Variants in KIFAP3 observed in about 807,000 individuals in gnomAD.
KIFAP3 encodes kinesin associated protein 3.
A neutral mutation model predicts 106.5 loss-of-function variants in KIFAP3; 68 were observed. The ratio of observed to expected loss-of-function variants is 0.64; its 90% confidence interval spans 0.53 to 0.78. The LOEUF (loss-of-function observed/expected upper bound fraction) is 0.78. Among genes scored for constraint, KIFAP3 ranks in the 30% least tolerant of loss-of-function variants. The pLI is 0.00. For missense variants in KIFAP3, 780 were observed against 941.8 expected (o/e 0.83, Z 2.25); for synonymous variants, 320 against 311.5 (o/e 1.03, Z -0.29).
chr1:170,061,137 G>T (rs1671128447), intron 1 of KIFAP3, among the ~76,000 whole-genome samples: 1 of 152,138 alleles, frequency 6.6e-6, no homozygotes, highest in African/African-American at 2.4e-5. Flanking sequence ...AAAAGCAATG[G>T]CAACAAAAGC....
At chr1:170,083,449 C>T (rs527538429) in intron 1 of KIFAP3, among the ~76,000 whole-genome samples, 123 of 152,242 alleles carry the variant, frequency 8.1e-4, no homozygotes, top group African/African-American at 2.8e-3. Context: ...GGAGTAAGAA[C>T]TTGGTTAGTG....
intron 19 of KIFAP3, among the ~76,000 whole-genome samples, chr1:169,940,054 T>C (rs139953488): frequency 8.1e-4 from 124 of 152,208 alleles, no homozygotes; most frequent in Middle Eastern, 3.4e-3. Context: ...GGGAAAAGAG[T>C]GACAACATAA....
intron 19 of KIFAP3, among the ~76,000 whole-genome samples, chr1:169,929,834 A>C (rs1663367127): frequency 6.6e-6 from 1 of 152,164 alleles, no homozygotes; most frequent in Non-Finnish European, 1.5e-5. Flanking sequence ...AGTTTATTAA[A>C]AACATTTTTT....
chr1:169,921,677 C>T lies in KIFAP3; in HGVS notation c.2378G>A (p.Ter793=). The T allele has an allele frequency of 6.2e-7, 1 of 1,608,978 alleles. No homozygotes were observed. Among genetic ancestry groups the T allele is most frequent in the Non-Finnish European group, 8.5e-7 (1 of 1,175,594 alleles). The change falls in exon 20 of 20, where the codon TGA becomes TAA. Residue 793 remains the stop codon, a stop_retained_variant. Coordinates refer to ENST00000361580, the MANE Select transcript of KIFAP3 (RefSeq NM_014970.4). The part of the protein sequence containing the change: ...DEPYYYGYGS[*] The stretch of plus-strand genomic sequence containing the variant: ...TTACACATGGAAACAGATACTTTAT[C>T]AAGATCCATAGCCATAGTAGTAAGG...
intron 19 of KIFAP3, among the ~76,000 whole-genome samples, chr1:169,946,558 G>A (rs967378307): frequency 1.3e-5 from 2 of 151,950 alleles, no homozygotes; most frequent in African/African-American, 4.8e-5. Flanking sequence ...AAGCTTAAAG[G>A]CTTCACTATT....
At chr1:169,953,779 G>A (rs1664859640) in intron 19 of KIFAP3, among the ~76,000 whole-genome samples, 1 of 152,200 alleles carries the variant, frequency 6.6e-6, no homozygotes, top group South Asian at 2.1e-4. Flanking sequence ...CTCCCAAAGT[G>A]CTGGGATTAC....
rs1453998581 is a variant in KIFAP3 at position 170,039,295 on chromosome 1, A to C, written c.320-7T>G. 2 of 1,568,264 alleles carry C rather than the reference A, an allele frequency of 1.3e-6. No individual in the cohort carries two copies. Among genetic ancestry groups the C allele is most frequent in the Middle Eastern group, 1.7e-4 (1 of 5,800 alleles). ...CTTGATTTTTCTTTTTTCTCTGTAA[A>C]AAGATTTTTTTTTAATAAGGAGACT... On this transcript the variant is annotated splice_polypyrimidine_tract_variant and splice_region_variant and intron_variant, in intron 3 of 19. Coordinates refer to ENST00000361580, the MANE Select transcript of KIFAP3 (RefSeq NM_014970.4).
rs560786890 is a variant in KIFAP3, at chr1:169,929,532, C to T, written c.2274-7751G>A. Among the ~76,000 whole-genome samples the T allele has an allele frequency of 3.3e-5, 5 of 152,154 alleles. No individual in the cohort carries two copies. In the South Asian group the frequency reaches 1.0e-3, roughly 32 times the overall value. On this transcript the variant is annotated intron_variant, in intron 19 of 19. Transcript: ENST00000361580. ...AGTTGCTCAAAGGTATTACTCATTT[C>T]TTTGGACTTGAACTTTTGTATTGTT...
chr1:170,035,368 C>T (rs1669633071), intron 6 of KIFAP3, 86 bp downstream of exon 6: 1 of 737,642 alleles, frequency 1.4e-6, no homozygotes, highest in Admixed American at 3.2e-5. Context: ...ACTGAGAGAA[C>T]AAGTGATCTA....
chr1:169,997,898 A>T (rs200372702), intron 10 of KIFAP3, among the ~76,000 whole-genome samples: 6 of 880 alleles, frequency 6.8e-3, no homozygotes, highest in African/African-American at 9.8e-3. Flanking sequence ...AAAAAAGGAT[A>T]AAAAAAAAAA....
At chr1:169,940,309 C>A (rs370745356) in intron 19 of KIFAP3, among the ~76,000 whole-genome samples, 18 of 152,242 alleles carry the variant, frequency 1.2e-4, no homozygotes, top group African/African-American at 2.6e-4. Context: ...TAATAAATAG[C>A]AATTCATAAA....
At chr1:170,050,308 G>T (rs953246411) in intron 2 of KIFAP3, among the ~76,000 whole-genome samples, 1 of 152,038 alleles carries the variant, frequency 6.6e-6, no homozygotes, top group African/African-American at 2.4e-5. Flanking sequence ...GAATGAAAAG[G>T]AACAAACAAA....
intron 2 of KIFAP3, among the ~76,000 whole-genome samples, chr1:170,052,665 C>G (rs966467189): frequency 6.6e-6 from 1 of 152,216 alleles, no homozygotes; most frequent in African/African-American, 2.4e-5. Flanking sequence ...GGCTTCATCC[C>G]TGGGACGCAA....
At chr1:170,066,320 T>C (rs909933078) in intron 1 of KIFAP3, among the ~76,000 whole-genome samples, 1 of 152,196 alleles carries the variant, frequency 6.6e-6, no homozygotes, top group Admixed American at 6.5e-5. Context: ...TTATATGTAC[T>C]CAAATATTTA....
At chr1:169,990,243 C>G in intron 11 of KIFAP3, 1 of 775,392 alleles carries the variant, frequency 1.3e-6, no homozygotes, top group South Asian at 2.0e-5. Flanking sequence ...AAAATTCACA[C>G]TAGCATATAA....
chr1:169,949,173 ATATG>A (rs1372985832), intron 19 of KIFAP3, among the ~76,000 whole-genome samples: 1 of 152,002 alleles, frequency 6.6e-6, no homozygotes, highest in Non-Finnish European at 1.5e-5. Context: ...AATAGAAGGC[ATATG>A]TATATGTAAT....
rs1670785824 is a variant in KIFAP3 at position 170,055,315 on chromosome 1, A to G, written c.154T>C (p.Cys52Arg). Residue 52 changes from cysteine to arginine, a missense_variant, in exon 2 of 20, where the codon TGT becomes CGT. By Grantham distance (180) the Cys-to-Arg change is radical. Transcript: ENST00000361580. Reference protein sequence around the residue: ...GDPMLGERKECQKIIRLKSLN... With the variant: ...GDPMLGERKERQKIIRLKSLN... Reference sequence around the variant, plus strand: ...AAATAAAGAACTTACATTTTTTGACATTCTTTTCGTTCTCCCAACATGGGG... The same window carrying G: ...AAATAAAGAACTTACATTTTTTGACGTTCTTTTCGTTCTCCCAACATGGGG... 1 of 1,597,572 alleles carries G rather than the reference A, an allele frequency of 6.3e-7. No homozygotes were observed.
chr1:169,969,366 G>A (rs1665789598), intron 17 of KIFAP3, among the ~76,000 whole-genome samples: 1 of 151,948 alleles, frequency 6.6e-6, no homozygotes. Context: ...TCTGACACAG[G>A]CTTCCTTGGT....
intron 10 of KIFAP3, among the ~76,000 whole-genome samples, chr1:170,008,946 G>A (rs995460778): frequency 3.9e-5 from 6 of 152,124 alleles, no homozygotes; most frequent in African/African-American, 1.4e-4. Flanking sequence ...CCATAAAAAA[G>A]GATGAGATCA....
Sources: allele counts gnomAD v4.1 joint callset (sites outside exome capture counted in the v4.1 genomes callset), GRCh38; gene constraint gnomAD v4.1.1; transcripts MANE v1.5; gene names NCBI Gene and HGNC (gene_info 2026-07-23, HGNC 2026-07-21).